The following OSBPL10 variants were observed in gnomAD, a reference collection of about 807,000 sequenced individuals.
OSBPL10 encodes oxysterol binding protein like 10.
OSBPL10 carries 49 observed loss-of-function variants against 81.7 expected under a neutral mutation model. That is an observed-to-expected ratio of 0.60 (90% CI 0.48 to 0.76). The LOEUF (loss-of-function observed/expected upper bound fraction) is 0.76, where lower values mean the gene tolerates loss of function less well. Ranked by LOEUF, OSBPL10 falls within the 30% of genes least tolerant of loss-of-function variation. The pLI, the probability that OSBPL10 is intolerant of heterozygous loss-of-function variation, is 0.00. For synonymous variants in OSBPL10, 419 were observed against 383.6 expected, an observed-to-expected ratio of 1.09 and a Z score of -1.08; for missense variants, 923 against 987.8, an observed-to-expected ratio of 0.93 and a Z score of 0.88.
chr3:31,894,519 C>T (rs142517239), intron 1 of OSBPL10, among the ~76,000 whole-genome samples: 1 of 152,212 alleles, frequency 6.6e-6, no homozygotes, highest in East Asian at 1.9e-4. Flanking sequence ...TCATGGATTC[C>T]CATGGCCCTA....
chr3:31,750,536 C>T (rs562532055), intron 4 of OSBPL10, among the ~76,000 whole-genome samples: 1 of 152,096 alleles, frequency 6.6e-6, no homozygotes, highest in Non-Finnish European at 1.5e-5. Flanking sequence ...GAAGTACTGC[C>T]AACTAGTTAA....
intron 7 of OSBPL10, among the ~76,000 whole-genome samples, chr3:31,693,417 C>T (rs1336178789): frequency 6.6e-6 from 1 of 152,210 alleles, no homozygotes; most frequent in Non-Finnish European, 1.5e-5. Flanking sequence ...CAAAAAGAGA[C>T]AACGTGGCCA....
intron 3 of OSBPL10, among the ~76,000 whole-genome samples, chr3:31,871,417 G>A (rs1160544364): frequency 6.6e-6 from 1 of 152,074 alleles, no homozygotes; most frequent in Non-Finnish European, 1.5e-5. Flanking sequence ...ACATCAGAAG[G>A]AAAAAACTCC....
chr3:32,040,189 C>T, intron 2 of OSBPL10, among the ~76,000 whole-genome samples: 1 of 151,920 alleles, frequency 6.6e-6, no homozygotes. Context: ...GGCGGATCAC[C>T]TGAGGTCAAG....
intron 2 of OSBPL10, among the ~76,000 whole-genome samples, chr3:32,028,263 G>C (rs1038650426): frequency 1.2e-4 from 19 of 152,204 alleles, no homozygotes; most frequent in Non-Finnish European, 5.9e-5. Context: ...CAGTCAAAAT[G>C]TCTGAGAACC....
chr3:31,770,970 C>T (rs966944761), intron 4 of OSBPL10, among the ~76,000 whole-genome samples: 6 of 152,162 alleles, frequency 3.9e-5, no homozygotes, highest in Non-Finnish European at 5.9e-5. Context: ...GAGGACACCA[C>T]TTATTAACTG....
chr3:32,021,664 C>T (rs1699365006), intron 2 of OSBPL10, among the ~76,000 whole-genome samples: 1 of 152,004 alleles, frequency 6.6e-6, no homozygotes. Context: ...ATCCATTGCC[C>T]ATTTAGGAGT....
At chr3:31,999,763 C>T (rs1339732362) in intron 2 of OSBPL10, among the ~76,000 whole-genome samples, 1 of 152,140 alleles carries the variant, frequency 6.6e-6, no homozygotes, top group East Asian at 1.9e-4. Context: ...ATCACCTTTT[C>T]CAAGGCATGC....
chr3:31,791,862 A>C (rs1699018618), intron 4 of OSBPL10, among the ~76,000 whole-genome samples: 1 of 151,696 alleles, frequency 6.6e-6, no homozygotes, highest in Non-Finnish European at 1.5e-5. Context: ...AAAAAAAAAA[A>C]ATAAGAAACA....
intron 7 of OSBPL10, among the ~76,000 whole-genome samples, chr3:31,697,822 G>A (rs1040750111): frequency 1.3e-5 from 2 of 151,918 alleles, no homozygotes; most frequent in Non-Finnish European, 2.9e-5. Flanking sequence ...GAGTGCAATG[G>A]AGTGATCTCA....
At chr3:31,833,705 G>GCACACACACACACACACA (rs10591808) in intron 3 of OSBPL10, among the ~76,000 whole-genome samples, 2 of 137,962 alleles carry the variant, frequency 1.4e-5, no homozygotes, top group East Asian at 4.4e-4. Flanking sequence ...ACACGCACAC[G>GCACACACACACACACACA]CACACACACA....
chr3:31,741,839 G>C (rs1697362295), intron 5 of OSBPL10, among the ~76,000 whole-genome samples: 1 of 152,132 alleles, frequency 6.6e-6, no homozygotes, highest in South Asian at 2.1e-4. Flanking sequence ...TCATGATGGT[G>C]AATGGGTCTC....
chr3:31,935,034 A>G (rs1046586394), intron 1 of OSBPL10, among the ~76,000 whole-genome samples: 2 of 152,178 alleles, frequency 1.3e-5, no homozygotes, highest in Admixed American at 6.5e-5. Flanking sequence ...CTGGGACAAG[A>G]TTGCTACATC....
intron 7 of OSBPL10, among the ~76,000 whole-genome samples, chr3:31,694,994 T>A (rs564322887): frequency 1.3e-5 from 2 of 152,342 alleles, no homozygotes; most frequent in South Asian, 4.1e-4. Flanking sequence ...CCTCAGGTGA[T>A]CCGCCCACCT....
chr3:31,697,916 C>T (rs1002575369), intron 7 of OSBPL10, among the ~76,000 whole-genome samples: 1 of 152,056 alleles, frequency 6.6e-6, no homozygotes, highest in African/African-American at 2.4e-5. Context: ...GCACCCACCA[C>T]CACGCCCAGC....
chr3:31,934,304 C>A (rs115342698), intron 1 of OSBPL10, among the ~76,000 whole-genome samples: 3,217 of 139,638 alleles, frequency 0.023, 126 homozygotes, highest in African/African-American at 0.079. Context: ...ACAACAACAA[C>A]AAAAAAAAAG....
intron 10 of OSBPL10, 82 bp from the exon 11 acceptor site, chr3:31,664,314 G>A (rs1700139107): frequency 1.4e-6 from 2 of 1,445,538 alleles, no homozygotes; most frequent in Non-Finnish European, 1.9e-6. Context: ...AGCAGCCAGA[G>A]CAGCGAGGGG....
chr3:31,703,730 C>T (rs1047859592), intron 6 of OSBPL10: 3 of 152,182 alleles, frequency 2.0e-5, no homozygotes, highest in Non-Finnish European at 2.9e-5. Flanking sequence ...CACAGACATA[C>T]TCCTAAGGTG....
At chr3:31,845,721 T>C (rs770114061) in intron 3 of OSBPL10, among the ~76,000 whole-genome samples, 15 of 152,044 alleles carry the variant, frequency 9.9e-5, no homozygotes, top group Non-Finnish European at 1.9e-4. Context: ...CTCCACCAAG[T>C]CCAGATTTGA....
Sources: gnomAD v4.1 joint callset for allele counts (sites outside exome capture counted in the v4.1 genomes callset) on GRCh38, gnomAD v4.1.1 for gene constraint, MANE v1.5 for transcripts, NCBI Gene and HGNC (gene_info 2026-07-23, HGNC 2026-07-21) for gene names.